CNTN5: variants seen among roughly 807,000 people sequenced by gnomAD.
CNTN5 encodes contactin 5, also known as contactin-5.
A neutral mutation model predicts 129.1 loss-of-function variants in CNTN5; 77 were observed. The ratio of observed to expected loss-of-function variants is 0.60; its 90% confidence interval spans 0.50 to 0.72. The LOEUF (loss-of-function observed/expected upper bound fraction) is 0.72, where lower values mean the gene tolerates loss of function less well. Ranked by LOEUF, CNTN5 falls within the 30% of genes least tolerant of loss-of-function variation. The pLI is 0.00. For synonymous variants in CNTN5, 509 were observed against 465.6 expected (o/e 1.09, Z -1.20); for missense variants, 1,478 against 1,328.8 (o/e 1.11, Z -1.75).
chr11:99,314,727 T>TTAAAGAAC (rs1555109018), intron 1 of CNTN5, among the ~76,000 whole-genome samples: 1 of 146,394 alleles, frequency 6.8e-6, no homozygotes. Context: ...GAGAGGGGAA[T>TTAAAGAAC]AAGGAAAGGA....
intron 1 of CNTN5, among the ~76,000 whole-genome samples, chr11:99,258,887 G>A (rs565960918): frequency 2.7e-4 from 41 of 151,848 alleles, no homozygotes; most frequent in Middle Eastern, 3.4e-3. Flanking sequence ...TCTGTCAAGC[G>A]TATTTCAGAT....
At chr11:99,813,418 C>T (rs900290469) in intron 3 of CNTN5, among the ~76,000 whole-genome samples, 3 of 152,164 alleles carry the variant, frequency 2.0e-5, no homozygotes, top group Admixed American at 6.5e-5. Context: ...TCTTAGAAGA[C>T]ACCTTTCCAT....
chr11:99,885,764 A>G (rs72991382), intron 6 of CNTN5, among the ~76,000 whole-genome samples: 10,096 of 152,236 alleles, frequency 0.066, 359 homozygotes, highest in Middle Eastern at 0.085. Flanking sequence ...TATATTAAGA[A>G]TGAGAAAAAC....
At chr11:100,123,440 C>G (rs1168612072) in intron 13 of CNTN5, among the ~76,000 whole-genome samples, 3 of 151,978 alleles carry the variant, frequency 2.0e-5, no homozygotes, top group Non-Finnish European at 4.4e-5. Context: ...ATGCTAATCA[C>G]AAATGTAATG....
intron 1 of CNTN5, among the ~76,000 whole-genome samples, chr11:99,131,638 T>A (rs955218443): frequency 1.3e-5 from 2 of 152,174 alleles, no homozygotes; most frequent in South Asian, 4.1e-4. Context: ...GCAAATAAAC[T>A]GGGAAACATA....
At chr11:99,897,788 A>G (rs891315286) in intron 6 of CNTN5, among the ~76,000 whole-genome samples, 11 of 152,202 alleles carry the variant, frequency 7.2e-5, no homozygotes, top group Non-Finnish European at 1.5e-4. Context: ...ATAAAAACTT[A>G]CATATCAATA....
intron 8 of CNTN5, among the ~76,000 whole-genome samples, chr11:99,967,389 G>A (rs1951123024): frequency 6.6e-6 from 1 of 152,094 alleles, no homozygotes; most frequent in South Asian, 2.1e-4. Flanking sequence ...TTAGGTACAG[G>A]GGATACAATG....
intron 8 of CNTN5, among the ~76,000 whole-genome samples, chr11:99,983,674 A>G (rs1171421181): frequency 6.6e-6 from 1 of 152,182 alleles, no homozygotes; most frequent in Non-Finnish European, 1.5e-5. Context: ...ATATGCTACC[A>G]TTTCATTCTG....
At chr11:99,770,769 A>G (rs750476249) in intron 3 of CNTN5, among the ~76,000 whole-genome samples, 18 of 152,168 alleles carry the variant, frequency 1.2e-4, no homozygotes, top group African/African-American at 4.1e-4. Context: ...AAACCCTATA[A>G]AAATTTCAAT....
intron 3 of CNTN5, among the ~76,000 whole-genome samples, chr11:99,694,732 G>A (rs1022600915): frequency 8.6e-5 from 13 of 151,630 alleles, no homozygotes; most frequent in South Asian, 2.1e-4. Flanking sequence ...ATATGTTCTC[G>A]TTGTTCAACT....
chr11:99,242,382 A>G (rs1861604288), intron 1 of CNTN5, among the ~76,000 whole-genome samples: 1 of 152,150 alleles, frequency 6.6e-6, no homozygotes, highest in South Asian at 2.1e-4. Flanking sequence ...GTCATGTTAA[A>G]GTATTTACAT....
intron 3 of CNTN5, among the ~76,000 whole-genome samples, chr11:99,660,245 G>A (rs1952546300): frequency 6.6e-6 from 1 of 152,034 alleles, no homozygotes; most frequent in Non-Finnish European, 1.5e-5. Context: ...AATTCATTCT[G>A]TTTGCTTATA....
intron 9 of CNTN5, among the ~76,000 whole-genome samples, chr11:100,022,323 C>G (rs1169296489): frequency 6.6e-5 from 10 of 152,302 alleles, no homozygotes; most frequent in Admixed American, 5.9e-4. Context: ...ATAACAGTAT[C>G]TTCCTCTTAA....
chr11:100,112,920 T>A (rs1651836662), intron 13 of CNTN5, among the ~76,000 whole-genome samples: 1 of 152,152 alleles, frequency 6.6e-6, no homozygotes, highest in South Asian at 2.1e-4. Context: ...AGGTGATATA[T>A]CTATATTAAG....
At position 99,657,678 on chromosome 11, in the gene CNTN5, A is replaced by G. The variant is rs1242790174; in HGVS notation, c.55+101409A>G. Among the ~76,000 whole-genome samples, 4 of 152,150 alleles carry G rather than the reference A, an allele frequency of 2.6e-5. No individual in the cohort carries two copies. In the East Asian group the frequency reaches 5.8e-4, roughly 22 times the overall value. On this transcript the variant is annotated intron_variant, in intron 3 of 24. Coordinates refer to ENST00000524871, the MANE Select transcript of CNTN5 (RefSeq NM_014361.4). ...AGTTTTTAGGTACTTGACAAGTTGC[A>G]TAGTCCTGCTGTCAATTATGACGTA...
intron 1 of CNTN5, among the ~76,000 whole-genome samples, chr11:99,176,044 G>A (rs915157554): frequency 1.3e-5 from 2 of 152,050 alleles, no homozygotes; most frequent in African/African-American, 4.8e-5. Context: ...GTTTCTGGAC[G>A]GTTTATTTGC....
At chr11:99,871,256 G>T (rs7120903) in intron 6 of CNTN5, among the ~76,000 whole-genome samples, 122,396 of 151,936 alleles carry the variant, frequency 0.81, 49,521 homozygotes, top group East Asian at 0.91. Flanking sequence ...AATATTAAGC[G>T]AAAATTATAA....
intron 20 of CNTN5, among the ~76,000 whole-genome samples, chr11:100,301,303 G>A (rs1951214812): frequency 6.6e-6 from 1 of 151,524 alleles, no homozygotes; most frequent in Non-Finnish European, 1.5e-5. Flanking sequence ...ATTCAGCTTT[G>A]TAATTTCTTT....
intron 7 of CNTN5, among the ~76,000 whole-genome samples, chr11:99,935,018 A>G (rs1950283619): frequency 6.7e-6 from 1 of 149,326 alleles, no homozygotes; most frequent in Admixed American, 6.7e-5. Flanking sequence ...AAAAAGTACT[A>G]ATATCTAGAA....
Sources: allele counts gnomAD v4.1 joint callset (sites outside exome capture counted in the v4.1 genomes callset), GRCh38; gene constraint gnomAD v4.1.1; transcripts MANE v1.5; gene names NCBI Gene and HGNC (gene_info 2026-07-23, HGNC 2026-07-21).